The following GPALPP1 variants were observed in gnomAD, a reference collection of about 807,000 sequenced individuals.
GPALPP1 encodes the protein GPALPP motifs containing 1, also known as GPALPP motifs-containing protein 1.
Under a neutral mutation model 38.9 loss-of-function variants are expected in GPALPP1, and 30 were observed. The ratio of observed to expected loss-of-function variants is 0.77; its 90% CI spans 0.58 to 1.05. The LOEUF (loss-of-function observed/expected upper bound fraction) is 1.05. Among genes scored for constraint, GPALPP1 ranks in the 50% least tolerant of loss-of-function variants. The pLI is 0.00. For synonymous variants in GPALPP1, 120 were observed against 139.2 expected, an observed-to-expected ratio of 0.86 and a Z score of 0.97; for missense variants, 384 against 408.8, an observed-to-expected ratio of 0.94 and a Z score of 0.52.
chr13:45,034,286 T>C (rs920617418), downstream of GPALPP1: 14 of 152,214 alleles, frequency 9.2e-5, no homozygotes, highest in Non-Finnish European at 1.9e-4. Flanking sequence ...AGCAGATTCC[T>C]TGATTTGTGA....
At chr13:44,996,836 A>G (rs1873329059) in intron 1 of GPALPP1, among the ~76,000 whole-genome samples, 1 of 145,356 alleles carries the variant, frequency 6.9e-6, no homozygotes, top group Non-Finnish European at 1.5e-5. Context: ...GTGATAAAAT[A>G]CACATAACAT....
chr13:45,035,396 A>C (rs1230564134), exon 8 of GPALPP1: 3 of 152,264 alleles, frequency 2.0e-5, no homozygotes, highest in Non-Finnish European at 4.4e-5. Flanking sequence ...CTTGCTCTGC[A>C]AACACCCTGT....
At position 44,989,639 on chromosome 13, in the gene GPALPP1, G is replaced by A; in HGVS notation, c.-16G>A. The A allele has an allele frequency of 6.2e-7, 1 of 1,606,456 alleles. No individual in the cohort carries two copies. Among genetic ancestry groups the A allele is most frequent in the Non-Finnish European group, 8.5e-7 (1 of 1,173,924 alleles). On this transcript the variant is annotated 5_prime_UTR_variant, in exon 1 of 8. It adds an upstream start codon to the 5' untranslated region. Coordinates refer to ENST00000379151, the MANE Select transcript of GPALPP1 (RefSeq NM_018559.5). The stretch of plus-strand genomic sequence containing the variant: ...GTGGATAGACTCATATCTGTGACCA[G>A]TGTCCGCCACCGCGGATGGCAAGAG...
Position 45,013,464 on chromosome 13 carries a change from A to T in GPALPP1, c.409-1488A>T, listed in dbSNP as rs551034623. 1.6e-4 allele frequency among the ~76,000 whole-genome samples: 25 copies of T among 152,342 alleles called. No homozygotes were observed. In the East Asian group the frequency reaches 3.7e-3, roughly 22 times the overall value. On this transcript the variant is annotated intron_variant, in intron 4 of 7. Transcript: ENST00000379151. ...ATTTCACAAAAATTGTGTCATGTCC[A>T]TGCCTAAACCAGTCAGCTGAGCAAG...
In GPALPP1 at chr13:45,018,314, G is replaced by A. The variant is rs200304772; in HGVS notation, c.706-2016G>A. On this transcript the variant is annotated intron_variant, in intron 6 of 7. Transcript: ENST00000379151. ...CGGGAGGCTGAGACAGGAGAATGGC[G>A]TGAACCCAGGAGGCAGAGCTTGCAG... is the stretch of plus-strand genomic sequence containing the variant. Among the ~76,000 whole-genome samples the A allele has an allele frequency of 3.3e-5, 5 of 151,790 alleles. No homozygotes were observed. In the East Asian group the frequency reaches 5.8e-4, roughly 18 times the overall value.
intron 1 of GPALPP1, among the ~76,000 whole-genome samples, chr13:45,000,340 G>A (rs947012541): frequency 2.6e-5 from 4 of 152,162 alleles, no homozygotes; most frequent in East Asian, 1.9e-4. Flanking sequence ...CGAGATGGGA[G>A]GATCGCTTGA....
At chr13:45,011,433 GT>G (rs1874468996) in intron 4 of GPALPP1, among the ~76,000 whole-genome samples, 1 of 152,294 alleles carries the variant, frequency 6.6e-6, no homozygotes, top group Admixed American at 6.5e-5. Flanking sequence ...TTGACTCACA[GT>G]TTAGCATGGC....
intron 4 of GPALPP1, among the ~76,000 whole-genome samples, chr13:45,009,530 C>G (rs1273193035): frequency 1.3e-5 from 2 of 152,120 alleles, no homozygotes; most frequent in Non-Finnish European, 2.9e-5. Context: ...GTACCTTACC[C>G]AAGATTACAC....
chr13:45,021,561 G>C (rs141455141), intron 7 of GPALPP1, among the ~76,000 whole-genome samples: 2 of 151,930 alleles, frequency 1.3e-5, no homozygotes, highest in Non-Finnish European at 2.9e-5. Context: ...GAGGCGGACA[G>C]ATAGGTTGAG....
chr13:45,030,802 A>G (rs945870085), downstream of GPALPP1: 1 of 152,238 alleles, frequency 6.6e-6, no homozygotes, highest in Non-Finnish European at 1.5e-5. Flanking sequence ...ATAGCAGTAC[A>G]GTATATTTTT....
rs773048604 is a variant in GPALPP1 at position 45,015,099 on chromosome 13, A to G, written c.540+16A>G. ...AGGAGATGATGTAAGTTTTAAAAACACTTTAAGAAATACACTAAATAGATT... is the reference window on the plus strand; with the variant it reads ...AGGAGATGATGTAAGTTTTAAAAACGCTTTAAGAAATACACTAAATAGATT... On this transcript the variant is annotated intron_variant, in intron 5 of 7. Transcript: ENST00000379151. The G allele has an allele frequency of 1.2e-5, 19 of 1,528,578 alleles. No individual in the cohort carries two copies. Among genetic ancestry groups the G allele is most frequent in the Non-Finnish European group, 1.3e-5 (14 of 1,113,116 alleles). 94.7% of individuals were successfully genotyped at this position (1,528,578 alleles called of 1,614,324 possible).
intron 6 of GPALPP1, among the ~76,000 whole-genome samples, chr13:45,018,015 A>C (rs764719392): frequency 2.0e-5 from 3 of 152,144 alleles, no homozygotes; most frequent in Admixed American, 6.5e-5. Flanking sequence ...GGTTCCCTCC[A>C]TTCCATCCTA....
chr13:44,990,639 T>A (rs1872729275), intron 1 of GPALPP1, among the ~76,000 whole-genome samples: 1 of 152,180 alleles, frequency 6.6e-6, no homozygotes, highest in South Asian at 2.1e-4. Context: ...TTTATTCACA[T>A]TTGTAGACTA....
At chr13:44,999,229 TG>T (rs1264497010) in intron 1 of GPALPP1, among the ~76,000 whole-genome samples, 1 of 152,242 alleles carries the variant, frequency 6.6e-6, no homozygotes, top group African/African-American at 2.4e-5. Context: ...CTGTTAATGC[TG>T]ATCTGTAATG....
At chr13:45,015,676 A>C in intron 6 of GPALPP1, 80 bp downstream of exon 6, 1 of 962,940 alleles carries the variant, frequency 1.0e-6, no homozygotes, top group Non-Finnish European at 1.4e-6. Context: ...AAAATTATTT[A>C]AGGGTACTAT....
chr13:44,993,698 T>A (rs1333384954), intron 1 of GPALPP1, among the ~76,000 whole-genome samples: 3 of 149,752 alleles, frequency 2.0e-5, no homozygotes, highest in Admixed American at 6.6e-5. Flanking sequence ...AAAAAAAAAA[T>A]TTGAGGAACT....
rs1873082713 is a variant in GPALPP1, at chr13:44,994,252, AAAG to A, written c.88+4513_88+4515del. ...AAAAAAAAAAAAGGGAGAGAGAAAGAAAGAAACTTGAATTTAGAGTCTAATTTC... is the reference window on the plus strand; with the variant it reads ...AAAAAAAAAAAAGGGAGAGAGAAAGAAAACTTGAATTTAGAGTCTAATTTC... On this transcript the variant is annotated intron_variant, in intron 1 of 7. Transcript: ENST00000379151. Among the ~76,000 whole-genome samples the A allele has an allele frequency of 2.7e-5, 4 of 150,934 alleles. 1 individual carries two copies. The highest frequency in any genetic ancestry group is 2.6e-4 in the Admixed American group (4 of 15,176).
At chr13:45,018,355 C>T (rs2137997732) in intron 6 of GPALPP1, among the ~76,000 whole-genome samples, 1 of 151,588 alleles carries the variant, frequency 6.6e-6, no homozygotes. Flanking sequence ...CGAGATTGTG[C>T]CACTGCACTC....
rs571011316 is a variant in GPALPP1 at position 45,028,457 on chromosome 13, G to T, written c.*454G>T. 1.2e-4 allele frequency: 18 copies of T among 153,984 alleles called. No individual in the cohort carries two copies. The South Asian group carries it at 3.5e-3, about 30-fold the overall frequency. 9.5% of individuals were successfully genotyped at this position (153,984 alleles called of 1,614,324 possible). ...CATAGCCCAATCTGACAAGGGTTCA[G>T]AATGGTGATTAAGAAATTACATAAA... On this transcript the variant is annotated 3_prime_UTR_variant, in exon 8 of 8. Coordinates refer to ENST00000379151, the MANE Select transcript of GPALPP1 (RefSeq NM_018559.5).
Sources: gnomAD v4.1 joint callset for allele counts (sites outside exome capture counted in the v4.1 genomes callset) on GRCh38, gnomAD v4.1.1 for gene constraint, MANE v1.5 for transcripts, NCBI Gene and HGNC (gene_info 2026-07-23, HGNC 2026-07-21) for gene names.